PLXDC2: variants seen among roughly 807,000 people sequenced by gnomAD.
The protein encoded by PLXDC2 is plexin domain containing 2, also known as plexin domain-containing protein 2.
In PLXDC2, 40 loss-of-function variants were observed where a neutral mutation model predicts 68.9. That is an observed-to-expected ratio of 0.58 (90% confidence interval 0.45 to 0.76). The LOEUF (loss-of-function observed/expected upper bound fraction) is 0.76, where lower values mean the gene tolerates loss of function less well. PLXDC2 is among the 30% of genes least tolerant of loss of function. The pLI is 0.00. For missense variants in PLXDC2, 644 were observed against 661.9 expected (o/e 0.97, Z 0.30); for synonymous variants, 243 against 234.2 (o/e 1.04, Z -0.34).
chr10:19,879,301 A>G (rs1005723378), intron 1 of PLXDC2, among the ~76,000 whole-genome samples: 4 of 152,174 alleles, frequency 2.6e-5, no homozygotes, highest in African/African-American at 9.7e-5. Flanking sequence ...ATAAAATACT[A>G]TGAGAGTATC....
At chr10:20,111,319 T>C (rs575447128) in intron 4 of PLXDC2, among the ~76,000 whole-genome samples, 10 of 152,228 alleles carry the variant, frequency 6.6e-5, no homozygotes, top group Non-Finnish European at 1.0e-4. Context: ...TTGTTAATGA[T>C]TCAATGACTC....
chr10:19,886,513 A>G (rs1837848902), intron 1 of PLXDC2, among the ~76,000 whole-genome samples: 1 of 152,236 alleles, frequency 6.6e-6, no homozygotes, highest in East Asian at 1.9e-4. Flanking sequence ...AAACAGAACC[A>G]AAGACAAAAA....
intron 2 of PLXDC2, among the ~76,000 whole-genome samples, chr10:20,041,659 G>A (rs987319321): frequency 1.3e-5 from 2 of 151,896 alleles, no homozygotes; most frequent in Non-Finnish European, 2.9e-5. Context: ...GATGACTTTT[G>A]TCTTGTCAGC....
chr10:19,830,961 A>G (rs1199668377), intron 1 of PLXDC2, among the ~76,000 whole-genome samples: 2 of 151,556 alleles, frequency 1.3e-5, no homozygotes, highest in Non-Finnish European at 2.9e-5. Context: ...ACTAAATTGT[A>G]AGCTCTATGA....
intron 4 of PLXDC2, among the ~76,000 whole-genome samples, chr10:20,114,476 C>T (rs1833597645): frequency 6.6e-6 from 1 of 152,112 alleles, no homozygotes; most frequent in Non-Finnish European, 1.5e-5. Flanking sequence ...CCTCTGGGGT[C>T]TGTAAGAGGT....
intron 9 of PLXDC2, among the ~76,000 whole-genome samples, chr10:20,190,027 T>C (rs982261841): frequency 6.6e-6 from 1 of 151,906 alleles, no homozygotes; most frequent in African/African-American, 2.4e-5. Context: ...GCAAATACAG[T>C]GTTTGCTTCC....
intron 2 of PLXDC2, among the ~76,000 whole-genome samples, chr10:20,017,724 A>G (rs1179509673): frequency 6.6e-6 from 1 of 152,262 alleles, no homozygotes; most frequent in Non-Finnish European, 1.5e-5. Context: ...TAAGGATTTC[A>G]AACTTTTCAG....
intron 1 of PLXDC2, among the ~76,000 whole-genome samples, chr10:19,913,371 A>G (rs541758184): frequency 2.6e-5 from 4 of 152,076 alleles, no homozygotes; most frequent in Admixed American, 6.6e-5. Context: ...CTCCCCAGCT[A>G]TGCTTCCTGT....
chr10:20,022,780 A>G (rs910171873), intron 2 of PLXDC2, among the ~76,000 whole-genome samples: 1 of 152,084 alleles, frequency 6.6e-6, no homozygotes, highest in African/African-American at 2.4e-5. Context: ...CATTTACTAC[A>G]TTCATTGTTA....
chr10:20,111,305 C>G (rs7915667), intron 4 of PLXDC2, among the ~76,000 whole-genome samples: 1,909 of 152,186 alleles, frequency 0.013, 31 homozygotes, highest in African/African-American at 0.041. Context: ...ATCCCTCATG[C>G]CATTTGTTAA....
At chr10:20,032,817 T>C (rs888168779) in intron 2 of PLXDC2, among the ~76,000 whole-genome samples, 20 of 151,962 alleles carry the variant, frequency 1.3e-4, no homozygotes, top group Middle Eastern at 3.4e-3. Context: ...GGATTAAATA[T>C]ATAATATATA....
chr10:19,895,477 G>A (rs1037882813), intron 1 of PLXDC2, among the ~76,000 whole-genome samples: 1 of 151,992 alleles, frequency 6.6e-6, no homozygotes. Context: ...TTAATATATG[G>A]CATTATACCT....
intron 1 of PLXDC2, among the ~76,000 whole-genome samples, chr10:19,977,965 A>G (rs928320159): frequency 4.6e-5 from 7 of 152,158 alleles, no homozygotes; most frequent in Non-Finnish European, 1.5e-5. Flanking sequence ...TTTCCAGATA[A>G]TATGCCTCCA....
At chr10:19,892,806 T>C (rs970071919) in intron 1 of PLXDC2, among the ~76,000 whole-genome samples, 1 of 152,110 alleles carries the variant, frequency 6.6e-6, no homozygotes, top group African/African-American at 2.4e-5. Flanking sequence ...ACAATAAGTC[T>C]CAATAAGGAT....
intron 9 of PLXDC2, among the ~76,000 whole-genome samples, chr10:20,185,652 A>G (rs1428339954): frequency 6.6e-6 from 1 of 151,934 alleles, no homozygotes; most frequent in East Asian, 1.9e-4. Context: ...GAGACAAAGC[A>G]TTGCTTATAA....
intron 13 of PLXDC2, among the ~76,000 whole-genome samples, chr10:20,251,305 A>G (rs1835672418): frequency 6.6e-6 from 1 of 152,232 alleles, no homozygotes; most frequent in South Asian, 2.1e-4. Flanking sequence ...CTATCACATT[A>G]TGTACAAGAA....
chr10:20,004,189 A>G (rs964088603), intron 2 of PLXDC2, among the ~76,000 whole-genome samples: 4 of 152,340 alleles, frequency 2.6e-5, no homozygotes, highest in South Asian at 2.1e-4. Flanking sequence ...GATCTGAAGT[A>G]TAGGCTGTGG....
chr10:20,029,431 G>A (rs941715769), intron 2 of PLXDC2, among the ~76,000 whole-genome samples: 1 of 151,968 alleles, frequency 6.6e-6, no homozygotes, highest in Admixed American at 6.6e-5. Flanking sequence ...GCGATTTGAC[G>A]GCATCTTCTT....
chr10:19,881,798 G>T (rs191852593), intron 1 of PLXDC2, among the ~76,000 whole-genome samples: 3 of 152,236 alleles, frequency 2.0e-5, no homozygotes, highest in African/African-American at 7.2e-5. Context: ...GTTGTAGAAG[G>T]CATGGTAATT....
Sources: gnomAD v4.1 joint callset for allele counts (sites outside exome capture counted in the v4.1 genomes callset) on GRCh38, gnomAD v4.1.1 for gene constraint, MANE v1.5 for transcripts, NCBI Gene and HGNC (gene_info 2026-07-23, HGNC 2026-07-21) for gene names.